Variants in ALK observed in about 807,000 individuals in gnomAD.
ALK encodes ALK tyrosine kinase receptor.
Under a neutral mutation model 163.1 loss-of-function variants are expected in ALK, and 74 were observed. The observed-to-expected ratio is 0.45, with a 90% CI of 0.38 to 0.55. The LOEUF is 0.55. ALK is among the 20% of genes least tolerant of loss of function. ALK has a pLI of 0.00. For synonymous variants in ALK, 960 were observed against 843.2 expected (o/e 1.14, Z -2.40); for missense variants, 2,063 against 2,105.3 (o/e 0.98, Z 0.39).
intron 8 of ALK, among the ~76,000 whole-genome samples, chr2:29,301,433 G>A (rs535717143): frequency 2.0e-5 from 3 of 152,298 alleles, no homozygotes; most frequent in South Asian, 2.1e-4. Flanking sequence ...GCAAGGGCAC[G>A]TTGTAGGAAC....
At chr2:29,565,948 A>C (rs1169187038) in intron 3 of ALK, among the ~76,000 whole-genome samples, 1 of 152,164 alleles carries the variant, frequency 6.6e-6, no homozygotes, top group Non-Finnish European at 1.5e-5. Flanking sequence ...TAGCACTCAG[A>C]GCTTTGTGGG....
intron 19 of ALK, among the ~76,000 whole-genome samples, chr2:29,224,953 G>T (rs943637064): frequency 6.6e-6 from 1 of 152,234 alleles, no homozygotes. Context: ...ACCACACTGA[G>T]TTCTCTGTGA....
intron 11 of ALK, among the ~76,000 whole-genome samples, chr2:29,263,373 T>C (rs1386264031): frequency 6.6e-6 from 1 of 152,202 alleles, no homozygotes; most frequent in East Asian, 1.9e-4. Flanking sequence ...TAACTCATGA[T>C]GACTGAAATC....
At chr2:29,306,953 C>T (rs1329181813) in intron 8 of ALK, among the ~76,000 whole-genome samples, 2 of 152,214 alleles carry the variant, frequency 1.3e-5, no homozygotes, top group African/African-American at 2.4e-5. Flanking sequence ...TCCTGCCTCT[C>T]GGAAGGGACT....
At chr2:29,744,212 CT>C in intron 1 of ALK, among the ~76,000 whole-genome samples, 1 of 152,252 alleles carries the variant, frequency 6.6e-6, no homozygotes, top group South Asian at 2.1e-4. Flanking sequence ...TTGCCTAAGA[CT>C]TTGCAGGATG....
intron 7 of ALK, chr2:29,319,257 T>C (rs10195355): frequency 0.069 from 10,558 of 152,296 alleles, 404 homozygotes; most frequent in Non-Finnish European, 0.078. Flanking sequence ...ATGAGTGCCA[T>C]TGTGAGCTCA....
At chr2:29,607,865 T>C (rs1675581141) in intron 3 of ALK, among the ~76,000 whole-genome samples, 1 of 152,144 alleles carries the variant, frequency 6.6e-6, no homozygotes, top group Non-Finnish European at 1.5e-5. Flanking sequence ...ACTCCCACAT[T>C]TCTTTCTTTT....
At chr2:29,450,866 T>C (rs907701295) in intron 4 of ALK, among the ~76,000 whole-genome samples, 1 of 152,152 alleles carries the variant, frequency 6.6e-6, no homozygotes, top group African/African-American at 2.4e-5. Flanking sequence ...TCATAGTGCA[T>C]TCCTGTTAAA....
chr2:29,593,851 G>T (rs1406972066), intron 3 of ALK, among the ~76,000 whole-genome samples: 1 of 152,214 alleles, frequency 6.6e-6, no homozygotes, highest in African/African-American at 2.4e-5. Context: ...AGCTGAAGCT[G>T]ACAGTACCAG....
chr2:29,532,195 C>T (rs1673140128), intron 3 of ALK, 79 bp from the exon 4 acceptor site: 1 of 1,331,070 alleles, frequency 7.5e-7, no homozygotes, highest in South Asian at 1.2e-5. Context: ...GACTTAGAGA[C>T]AAATGGCATC....
At chr2:29,471,288 T>C (rs1044975800) in intron 4 of ALK, among the ~76,000 whole-genome samples, 2 of 152,236 alleles carry the variant, frequency 1.3e-5, no homozygotes, top group Non-Finnish European at 2.9e-5. Context: ...TGTCTTGTTT[T>C]ATAAAGTTAG....
intron 19 of ALK, 87 bp from the exon 20 acceptor site, chr2:29,223,615 GGAT>G: frequency 7.7e-7 from 1 of 1,297,594 alleles, no homozygotes; most frequent in Middle Eastern, 2.4e-4. Context: ...AAGCCTCCCT[GGAT>G]CTCCATATCC....
intron 12 of ALK, among the ~76,000 whole-genome samples, chr2:29,247,175 G>A (rs1046594817): frequency 3.3e-5 from 5 of 150,950 alleles, no homozygotes; most frequent in Admixed American, 6.6e-5. Flanking sequence ...CCTTTCCCCC[G>A]GCCTCCGCGG....
intron 1 of ALK, among the ~76,000 whole-genome samples, chr2:29,728,006 A>T (rs1228556533): frequency 6.6e-6 from 1 of 152,230 alleles, no homozygotes; most frequent in Non-Finnish European, 1.5e-5. Context: ...CTGTGCCCCC[A>T]TTCTATGCCT....
chr2:29,815,573 G>A (rs964592067), intron 1 of ALK, among the ~76,000 whole-genome samples: 4 of 152,146 alleles, frequency 2.6e-5, no homozygotes, highest in Non-Finnish European at 4.4e-5. Context: ...CTGTAGAAAG[G>A]TCTCTCGTGT....
At chr2:29,660,698 T>TCA (rs1186930952) in intron 3 of ALK, among the ~76,000 whole-genome samples, 8 of 150,728 alleles carry the variant, frequency 5.3e-5, no homozygotes, top group Non-Finnish European at 1.0e-4. Flanking sequence ...AAAGGGGTGG[T>TCA]CAGAAGAGTG....
At chr2:29,330,927 A>T (rs1014593560) in intron 5 of ALK, among the ~76,000 whole-genome samples, 4 of 152,184 alleles carry the variant, frequency 2.6e-5, no homozygotes, top group Non-Finnish European at 5.9e-5. Context: ...AACTAATTTC[A>T]TACTTCTGCC....
chr2:29,808,383 G>A (rs1412731029), intron 1 of ALK, among the ~76,000 whole-genome samples: 1 of 152,176 alleles, frequency 6.6e-6, no homozygotes, highest in African/African-American at 2.4e-5. Flanking sequence ...TGACTTCTCT[G>A]AAGCTCTGGA....
intron 4 of ALK, among the ~76,000 whole-genome samples, chr2:29,474,290 A>T (rs2148113127): frequency 6.6e-6 from 1 of 152,352 alleles, no homozygotes; most frequent in Non-Finnish European, 1.5e-5. Context: ...TCTAATCTAT[A>T]GGGAAAGAAG....
Sources: gnomAD v4.1 joint callset for allele counts (sites outside exome capture counted in the v4.1 genomes callset) on GRCh38, gnomAD v4.1.1 for gene constraint, MANE v1.5 for transcripts, NCBI Gene and HGNC (gene_info 2026-07-23, HGNC 2026-07-21) for gene names.